PALM2AKAP2: variants seen among roughly 807,000 people sequenced by gnomAD.
PALM2AKAP2 encodes the protein PALM2-AKAP2 fusion protein.
PALM2AKAP2 carries 37 observed loss-of-function variants against 71.5 expected under a neutral mutation model. The ratio of observed to expected loss-of-function variants is 0.52; its 90% CI spans 0.40 to 0.68. The LOEUF (loss-of-function observed/expected upper bound fraction) is 0.68, where lower values mean the gene tolerates loss of function less well. PALM2AKAP2 is among the 30% of genes least tolerant of loss of function. The pLI is 0.00. For missense variants in PALM2AKAP2, 1,224 were observed against 1,191.8 expected (o/e 1.03, Z -0.40); for synonymous variants, 468 against 478.8 (o/e 0.98, Z 0.29).
intron 1 of PALM2AKAP2, among the ~76,000 whole-genome samples, chr9:109,797,028 C>T (rs944509584): frequency 3.3e-5 from 5 of 152,152 alleles, no homozygotes; most frequent in East Asian, 1.9e-4. Context: ...TATCCCCAAA[C>T]GCCCTGAATT....
intron 7 of PALM2AKAP2, among the ~76,000 whole-genome samples, chr9:110,028,367 G>A (rs1280186912): frequency 1.3e-5 from 2 of 152,146 alleles, no homozygotes; most frequent in Non-Finnish European, 1.5e-5. Context: ...CTTCTTTGCC[G>A]TTTTATTTCT....
intron 3 of PALM2AKAP2, among the ~76,000 whole-genome samples, chr9:109,908,172 T>C (rs1188612261): frequency 6.6e-6 from 1 of 152,288 alleles, no homozygotes. Flanking sequence ...AGCAGTGATT[T>C]CCAAATCCTG....
At chr9:109,863,586 C>A (rs1481736703) in intron 1 of PALM2AKAP2, among the ~76,000 whole-genome samples, 1 of 152,098 alleles carries the variant, frequency 6.6e-6, no homozygotes, top group Non-Finnish European at 1.5e-5. Flanking sequence ...TGGTTTTGTC[C>A]TGGTTAAGGG....
At chr9:110,000,296 AATG>A (rs1431574156) in intron 6 of PALM2AKAP2, among the ~76,000 whole-genome samples, 1 of 151,958 alleles carries the variant, frequency 6.6e-6, no homozygotes, top group African/African-American at 2.4e-5. Flanking sequence ...GTTTGCTGAG[AATG>A]ATGGTTTCCA....
intron 1 of PALM2AKAP2, chr9:109,862,839 CG>C: frequency 2.0e-6 from 1 of 489,066 alleles, no homozygotes; most frequent in Non-Finnish European, 4.1e-6. Context: ...CAGTGCACAT[CG>C]ATTATTGTTA....
At chr9:109,885,899 CT>C (rs1829953354) in intron 3 of PALM2AKAP2, among the ~76,000 whole-genome samples, 1 of 152,152 alleles carries the variant, frequency 6.6e-6, no homozygotes, top group Non-Finnish European at 1.5e-5. Flanking sequence ...AGATTTCTTG[CT>C]AAAATTCAAA....
intron 1 of PALM2AKAP2, among the ~76,000 whole-genome samples, chr9:109,764,820 TA>T (rs11313407): frequency 0.85 from 129,974 of 152,058 alleles, 55,689 homozygotes; most frequent in East Asian, 0.97. Flanking sequence ...GAATATTTTT[TA>T]AAAAAAAGAA....
chr9:110,160,814 C>G (rs1227059994), intron 3 of PALM2AKAP2, among the ~76,000 whole-genome samples: 1 of 152,188 alleles, frequency 6.6e-6, no homozygotes, highest in Non-Finnish European at 1.5e-5. Context: ...AGGATCTGCC[C>G]TCAGTGGGGT....
chr9:110,070,120 T>C (rs491730), intron 1 of PALM2AKAP2, among the ~76,000 whole-genome samples: 16,496 of 152,176 alleles, frequency 0.11, 1,186 homozygotes, highest in South Asian at 0.15. Flanking sequence ...ACTGACAACC[T>C]AGTACAAAAC....
intron 1 of PALM2AKAP2, among the ~76,000 whole-genome samples, chr9:109,691,414 A>C (rs1827882632): frequency 6.6e-6 from 1 of 152,096 alleles, no homozygotes; most frequent in African/African-American, 2.4e-5. Flanking sequence ...TTAGAAAGAC[A>C]GTCTAATTTC....
chr9:109,653,237 G>A (rs1827250702), intron 1 of PALM2AKAP2, among the ~76,000 whole-genome samples: 1 of 152,030 alleles, frequency 6.6e-6, no homozygotes, highest in Non-Finnish European at 1.5e-5. Flanking sequence ...CAAACAAAAT[G>A]AAACAAAAAA....
At chr9:109,725,564 G>A (rs1828462679) in intron 1 of PALM2AKAP2, among the ~76,000 whole-genome samples, 1 of 152,112 alleles carries the variant, frequency 6.6e-6, no homozygotes, top group South Asian at 2.1e-4. Flanking sequence ...TGCTCGTTAT[G>A]GTATGACTCG....
chr9:109,912,322 G>A (rs538643979), intron 3 of PALM2AKAP2, among the ~76,000 whole-genome samples: 1 of 151,416 alleles, frequency 6.6e-6, no homozygotes, highest in Non-Finnish European at 1.5e-5. Context: ...AAAAAAAAAA[G>A]AGGAGGAAAT....
intron 1 of PALM2AKAP2, among the ~76,000 whole-genome samples, chr9:109,694,148 T>A (rs2057128518): frequency 6.6e-6 from 1 of 152,038 alleles, no homozygotes; most frequent in Admixed American, 6.6e-5. Flanking sequence ...GTGGATGAAT[T>A]CATGAACTTT....
At chr9:110,155,822 A>G (rs1369885862) in intron 2 of PALM2AKAP2, among the ~76,000 whole-genome samples, 1 of 152,226 alleles carries the variant, frequency 6.6e-6, no homozygotes, top group Non-Finnish European at 1.5e-5. Context: ...CAGACAATTG[A>G]CTTCCTCTGC....
chr9:109,784,805 A>G (rs78439094), intron 1 of PALM2AKAP2, among the ~76,000 whole-genome samples: 1 of 152,226 alleles, frequency 6.6e-6, no homozygotes, highest in Non-Finnish European at 1.5e-5. Flanking sequence ...CACTTTTCCC[A>G]TGAGCACACT....
chr9:109,642,523 C>T (rs1827085694), intron 1 of PALM2AKAP2, among the ~76,000 whole-genome samples: 1 of 148,740 alleles, frequency 6.7e-6, no homozygotes, highest in Non-Finnish European at 1.5e-5. Context: ...CCTAATACTA[C>T]AGTCTACAGC....
intron 1 of PALM2AKAP2, among the ~76,000 whole-genome samples, chr9:110,081,760 T>G (rs1054557446): frequency 2.0e-5 from 3 of 151,948 alleles, no homozygotes; most frequent in African/African-American, 7.3e-5. Context: ...CTTCTCTGCT[T>G]GTGCTGGGTC....
At chr9:110,063,439 ATTTTT>A (rs35944774) in intron 1 of PALM2AKAP2, among the ~76,000 whole-genome samples, 1 of 131,230 alleles carries the variant, frequency 7.6e-6, no homozygotes, top group Non-Finnish European at 1.6e-5. Context: ...CCAAATTTCT[ATTTTT>A]TTTTTTTTTT....
Sources: gnomAD v4.1 joint callset for allele counts (sites outside exome capture counted in the v4.1 genomes callset) on GRCh38, gnomAD v4.1.1 for gene constraint, MANE v1.5 for transcripts, NCBI Gene and HGNC (gene_info 2026-07-23, HGNC 2026-07-21) for gene names.